The following RAPGEF5 variants were observed in gnomAD, a reference collection of about 807,000 sequenced individuals.
The protein encoded by RAPGEF5 is Rap guanine nucleotide exchange factor 5, also known as M-Ras-regulated GEF.
RAPGEF5 carries 65 observed loss-of-function variants against 125.2 expected under a neutral mutation model. That is an observed-to-expected ratio of 0.52 (90% CI 0.43 to 0.64). The LOEUF is 0.64. RAPGEF5 is among the 30% of genes least tolerant of loss of function. The pLI is 0.00. For synonymous variants in RAPGEF5, 391 were observed against 385.9 expected (o/e 1.01, Z -0.16); for missense variants, 958 against 1,048.1 (o/e 0.91, Z 1.19).
intron 9 of RAPGEF5, among the ~76,000 whole-genome samples, chr7:22,213,380 GA>G (rs898855114): frequency 2.6e-5 from 4 of 152,188 alleles, no homozygotes; most frequent in African/African-American, 9.7e-5. Flanking sequence ...CTGCAGTTGT[GA>G]AATGTGTTTG....
intron 7 of RAPGEF5, among the ~76,000 whole-genome samples, chr7:22,261,358 A>T (rs1653421242): frequency 6.6e-6 from 1 of 152,166 alleles, no homozygotes; most frequent in Admixed American, 6.5e-5. Flanking sequence ...GCAGGAAGCC[A>T]AGGTGAGAGG....
chr7:22,130,848 T>C (rs1782893429), intron 24 of RAPGEF5, 189 bp downstream of exon 24: 3 of 714,580 alleles, frequency 4.2e-6, no homozygotes, highest in African/African-American at 1.8e-5. Context: ...TTGTTGTTAA[T>C]TGGAATACAT....
chr7:22,323,057 A>C (rs1259751474), intron 1 of RAPGEF5, among the ~76,000 whole-genome samples: 2 of 152,104 alleles, frequency 1.3e-5, no homozygotes, highest in Non-Finnish European at 2.9e-5. Flanking sequence ...TGTGTAGAAC[A>C]AAAAGCCACT....
rs1199529625 is a variant in RAPGEF5, at chr7:22,308,363, G to C, written c.656C>G (p.Pro219Arg). The C allele has an allele frequency of 6.3e-7, 1 of 1,588,916 alleles. No homozygotes were observed. Among genetic ancestry groups the C allele is most frequent in the Non-Finnish European group, 8.6e-7 (1 of 1,166,508 alleles). ...CAGTTCACAGATGCCACCTCTGGCA[G>C]GAATGAGAGGCACAAGTTGCAGTAA... ...KLLLQLVPLI[P>R]ARGGICELSH... Residue 219 changes from proline (P) to arginine (R), a missense_variant, in exon 5 of 26, where the codon CCT becomes CGT. Transcript: ENST00000665637.
At position 22,122,195 on chromosome 7, in the gene RAPGEF5, C is replaced by A; in HGVS notation, c.*211G>T. 1.9e-6 allele frequency: 1 copy of A among 512,844 alleles called. No homozygotes were observed. Among genetic ancestry groups the A allele is most frequent in the Non-Finnish European group, 3.5e-6 (1 of 283,524 alleles). 31.8% of individuals were successfully genotyped at this position (512,844 alleles called of 1,614,324 possible). ...ATGCTTCTGACTCTCCTTCTGCCTT[C>A]TTGTCCCGAGAGTAGCATGGAGAAA... On this transcript the variant is annotated 3_prime_UTR_variant, in exon 26 of 26. Transcript: ENST00000665637.
intron 9 of RAPGEF5, among the ~76,000 whole-genome samples, chr7:22,196,236 C>G (rs1470260687): frequency 6.6e-6 from 1 of 152,140 alleles, no homozygotes; most frequent in Non-Finnish European, 1.5e-5. Context: ...ACATCTGGCT[C>G]TCAAGAAGGA....
intron 7 of RAPGEF5, among the ~76,000 whole-genome samples, chr7:22,266,400 C>A (rs1782283575): frequency 6.6e-6 from 1 of 152,056 alleles, no homozygotes; most frequent in African/African-American, 2.4e-5. Context: ...GCTTTTTTCT[C>A]CTTTAAAATG....
At chr7:22,298,483 T>C (rs1435126902) in intron 5 of RAPGEF5, 1 of 152,212 alleles carries the variant, frequency 6.6e-6, no homozygotes, top group Non-Finnish European at 1.5e-5. Context: ...CCGGCCTTAC[T>C]GTTTTCTTTC....
intron 6 of RAPGEF5, among the ~76,000 whole-genome samples, chr7:22,289,257 C>A (rs951297348): frequency 2.6e-5 from 4 of 152,170 alleles, no homozygotes; most frequent in Non-Finnish European, 5.9e-5. Flanking sequence ...GTCTTTATCA[C>A]TTCTGAAACT....
intron 17 of RAPGEF5, among the ~76,000 whole-genome samples, chr7:22,151,636 G>A (rs945699441): frequency 6.6e-6 from 1 of 151,750 alleles, no homozygotes; most frequent in African/African-American, 2.4e-5. Context: ...GGCTAATTTT[G>A]TATTTTTAGT....
intron 9 of RAPGEF5, 26 bp downstream of exon 9, chr7:22,219,840 G>C (rs1488071494): frequency 6.4e-7 from 1 of 1,570,244 alleles, no homozygotes; most frequent in Non-Finnish European, 8.7e-7. Flanking sequence ...CTTCAAACCT[G>C]CATCCCCAAG....
At chr7:22,240,483 T>C (rs968461393) in intron 7 of RAPGEF5, among the ~76,000 whole-genome samples, 1 of 152,068 alleles carries the variant, frequency 6.6e-6, no homozygotes, top group African/African-American at 2.4e-5. Flanking sequence ...GCCATTCTCC[T>C]GCCTCAGCCT....
chr7:22,194,124 T>C lies in RAPGEF5; in HGVS notation c.997-91A>G, dbSNP rs531658847. 2.8e-5 allele frequency: 31 copies of C among 1,100,474 alleles called. No homozygotes were observed. The African/African-American group carries it at 4.4e-4, about 16-fold the overall frequency. The allele number at this position is 1,100,474 out of a possible 1,614,324, so 68.2% of individuals were successfully genotyped here. A position where few individuals can be genotyped will look rare whatever the true frequency, so the allele number is the denominator to read the frequency against. On this transcript the variant is annotated intron_variant, in intron 9 of 25. Coordinates refer to ENST00000665637, the MANE Select transcript of RAPGEF5 (RefSeq NM_012294.5). ...GAAAATGGAGCTAACTCAAGCTGTA[T>C]TTTCTAGAGTTGCTTTACAGTATCA...
chr7:22,354,617 G>A (rs895412462), intron 1 of RAPGEF5, among the ~76,000 whole-genome samples: 7 of 152,128 alleles, frequency 4.6e-5, no homozygotes, highest in Admixed American at 3.9e-4. Context: ...ATTATTTGGA[G>A]ATGAGGCCTT....
chr7:22,294,268 T>C (rs1416605967), intron 5 of RAPGEF5, among the ~76,000 whole-genome samples: 1 of 152,168 alleles, frequency 6.6e-6, no homozygotes, highest in East Asian at 1.9e-4. Flanking sequence ...GAGTGACCCC[T>C]GGAAGGAAGA....
chr7:22,301,112 C>T (rs1047891433), intron 5 of RAPGEF5, among the ~76,000 whole-genome samples: 2 of 152,082 alleles, frequency 1.3e-5, no homozygotes, highest in African/African-American at 2.4e-5. Context: ...TGAGGGGCCT[C>T]GGGTAGTTAT....
chr7:22,163,292 A>G (rs1784064779), intron 12 of RAPGEF5, among the ~76,000 whole-genome samples: 3 of 152,186 alleles, frequency 2.0e-5, no homozygotes. Flanking sequence ...ATGCCTCAGC[A>G]ACTGAGAACA....
At chr7:22,162,324 G>A in intron 13 of RAPGEF5, 73 bp downstream of exon 13, 1 of 1,441,836 alleles carries the variant, frequency 6.9e-7, no homozygotes, top group Non-Finnish European at 9.6e-7. Context: ...CTACAAATGA[G>A]ATTTTTAAAA....
At chr7:22,252,538 T>C (rs1275277901) in intron 7 of RAPGEF5, among the ~76,000 whole-genome samples, 1 of 152,176 alleles carries the variant, frequency 6.6e-6, no homozygotes, top group Non-Finnish European at 1.5e-5. Flanking sequence ...AAAAAGAAAA[T>C]CATCTTGCCT....
Sources: gnomAD v4.1 joint callset for allele counts (sites outside exome capture counted in the v4.1 genomes callset) on GRCh38, gnomAD v4.1.1 for gene constraint, MANE v1.5 for transcripts, NCBI Gene and HGNC (gene_info 2026-07-23, HGNC 2026-07-21) for gene names.